PABIR3: variants seen among roughly 807,000 people sequenced by gnomAD.
PABIR3 encodes PABIR family member 3.
PABIR3 carries 20 observed loss-of-function variants against 23.1 expected under a neutral mutation model. The observed-to-expected ratio is 0.86, with a 90% confidence interval of 0.61 to 1.26. The LOEUF is 1.26. PABIR3 is among the 50% of genes most tolerant of loss of function. The pLI is 0.00. For synonymous variants in PABIR3, 69 were observed against 68.5 expected (o/e 1.01, Z -0.04); for missense variants, 189 against 195.4 (o/e 0.97, Z 0.20).
chrX:134,823,896 A>C, intron 3 of PABIR3, among the ~76,000 whole-genome samples: 1 of 111,114 alleles, frequency 9.0e-6, no homozygotes, highest in South Asian at 3.7e-4. Context: ...CACAGTATCT[A>C]ATGTTGAGAG....
chrX:134,824,763 G>T (rs1230099212), intron 3 of PABIR3, among the ~76,000 whole-genome samples: 1 of 111,660 alleles, frequency 9.0e-6, no homozygotes, highest in Non-Finnish European at 1.9e-5. Flanking sequence ...TTGGGCCACT[G>T]GCCACTGCAC....
chrX:134,861,631 G>A, the PABIR3 span, among the ~76,000 whole-genome samples: 1 of 95,432 alleles, frequency 1.0e-5, no homozygotes, highest in Admixed American at 1.3e-4. Flanking sequence ...CCGAGATAGC[G>A]CCATTGCCCT....
chrX:134,814,763 C>A lies in PABIR3; in HGVS notation c.111-8C>A. ...TTATATAACACATGTTTTTGTTTTT[C>A]TTTTTAGTTTTAATTCACAGGTGTT... On this transcript the variant is annotated splice_polypyrimidine_tract_variant and splice_region_variant and intron_variant, in intron 2 of 10. Coordinates refer to ENST00000645433, the MANE Select transcript of PABIR3 (RefSeq NM_001388447.1). The A allele has an allele frequency of 9.4e-7, 1 of 1,062,489 alleles. No individual in the cohort carries two copies. The highest frequency in any genetic ancestry group is 1.3e-6 in the Non-Finnish European group (1 of 790,720). 87.6% of individuals were successfully genotyped at this position (1,062,489 alleles called of 1,213,427 possible). A position where few individuals can be genotyped will look rare whatever the true frequency, so the allele number is the denominator to read the frequency against.
chrX:134,859,228 T>A (rs1357285751), downstream of PABIR3, among the ~76,000 whole-genome samples: 7 of 111,613 alleles, frequency 6.3e-5, no homozygotes, highest in Non-Finnish European at 1.3e-4. Context: ...TCTAAAAATT[T>A]TATGGATTCT....
At chrX:134,810,412 C>A in intron 2 of PABIR3, 1 of 754,390 alleles carries the variant, frequency 1.3e-6, no homozygotes, top group Admixed American at 8.6e-5. Context: ...TAGCATATTT[C>A]TGTAGTAGGA....
At chrX:134,804,783 C>A (rs1411844167), upstream of PABIR3, among the ~76,000 whole-genome samples, 1 of 112,456 alleles carries the variant, frequency 8.9e-6, no homozygotes, top group Non-Finnish European at 1.9e-5. Context: ...GTTATTCAGA[C>A]AATTTGTTTT....
chrX:134,810,852 C>G (rs757467584), intron 2 of PABIR3: 1 of 750,897 alleles, frequency 1.3e-6, no homozygotes, highest in Non-Finnish European at 1.6e-6. Context: ...GGACAGAGTT[C>G]AGAGACTCCA....
At chrX:134,808,211 A>G (rs1240787879) in intron 2 of PABIR3, 1 of 291,989 alleles carries the variant, frequency 3.4e-6, no homozygotes, top group African/African-American at 2.8e-5. Flanking sequence ...TTTTTTTGAG[A>G]CGGAGTCTTG....
At chrX:134,825,828 CTTTTTT>C (rs61066719) in intron 3 of PABIR3, among the ~76,000 whole-genome samples, 1 of 73,833 alleles carries the variant, frequency 1.4e-5, no homozygotes, top group African/African-American at 5.3e-5. Context: ...ACGCCCGGAT[CTTTTTT>C]TTTTTTTTTT....
chrX:134,820,795 C>T (rs777767326), intron 3 of PABIR3, among the ~76,000 whole-genome samples: 14 of 109,721 alleles, frequency 1.3e-4, no homozygotes, highest in Middle Eastern at 4.7e-3. Flanking sequence ...CCGAGGCAGG[C>T]GGATTACTTG....
chrX:134,808,069 G>T (rs947739043), intron 2 of PABIR3: 3 of 298,414 alleles, frequency 1.0e-5, no homozygotes, highest in East Asian at 9.5e-5. Context: ...CTCACCTCCA[G>T]ATCTTCTGCC....
At chrX:134,810,915 G>A (rs754406092) in intron 2 of PABIR3, 1 of 754,139 alleles carries the variant, frequency 1.3e-6, no homozygotes, top group Non-Finnish European at 1.6e-6. Flanking sequence ...CTGAGGTCAG[G>A]GAACTTGCCC....
the PABIR3 span, among the ~76,000 whole-genome samples, chrX:134,862,532 C>CA: frequency 8.9e-6 from 1 of 111,757 alleles, no homozygotes; most frequent in Non-Finnish European, 1.9e-5. Context: ...GCTTATATGC[C>CA]AAAAACTTAC....
intron 4 of PABIR3, among the ~76,000 whole-genome samples, chrX:134,834,625 G>T (rs2081915899): frequency 8.9e-6 from 1 of 112,071 alleles, no homozygotes; most frequent in Admixed American, 9.5e-5. Context: ...TTTTCTTCTA[G>T]GGTTTTTATG....
At chrX:134,834,343 T>C (rs1335857997) in intron 4 of PABIR3, 1 of 112,285 alleles carries the variant, frequency 8.9e-6, no homozygotes, top group Non-Finnish European at 1.9e-5. Context: ...TTCATATCTT[T>C]TGCCCACTTT....
In PABIR3 at chrX:134,828,091, G is replaced by T. The variant is rs112137174; in HGVS notation, c.190-1135G>T. Among the ~76,000 whole-genome samples the T allele has an allele frequency of 8.6e-3, 868 of 100,421 alleles. 17 individuals are homozygous for T. Among genetic ancestry groups the T allele is most frequent in the African/African-American group, 0.031 (844 of 27,320 alleles). 87.2% of individuals were successfully genotyped at this position (100,421 alleles called of 115,157 possible). A position where few individuals can be genotyped will look rare whatever the true frequency, so the allele number is the denominator to read the frequency against. On this transcript the variant is annotated intron_variant, in intron 3 of 10. Coordinates refer to ENST00000645433, the MANE Select transcript of PABIR3 (RefSeq NM_001388447.1). ...TATATGTATATTTGTAAAGGTGGGTGTTTGCCATCTTGCTTAGGCTGGTCT... is the reference window on the plus strand; with the variant it reads ...TATATGTATATTTGTAAAGGTGGGTTTTTGCCATCTTGCTTAGGCTGGTCT...
intron 1 of PABIR3, chrX:134,800,001 C>T (rs1415302949): frequency 2.8e-5 from 3 of 108,430 alleles, no homozygotes; most frequent in African/African-American, 1.0e-4. Flanking sequence ...TATTTAAAAC[C>T]TTCCTTACCG....
chrX:134,828,338 G>A (rs1281792175), intron 3 of PABIR3, among the ~76,000 whole-genome samples: 1 of 110,746 alleles, frequency 9.0e-6, no homozygotes, highest in African/African-American at 3.3e-5. Flanking sequence ...TGATCTGCCT[G>A]CCTTGGCCTC....
intron 4 of PABIR3, among the ~76,000 whole-genome samples, chrX:134,832,191 C>T (rs1207913341): frequency 9.2e-6 from 1 of 108,837 alleles, no homozygotes; most frequent in East Asian, 2.9e-4. Flanking sequence ...TAAAGAATCA[C>T]TTGAACCTGG....
Sources: gnomAD v4.1 joint callset for allele counts (sites outside exome capture counted in the v4.1 genomes callset) on GRCh38, gnomAD v4.1.1 for gene constraint, MANE v1.5 for transcripts, NCBI Gene and HGNC (gene_info 2026-07-23, HGNC 2026-07-21) for gene names.